MCC: variants seen among roughly 807,000 people sequenced by gnomAD.
MCC encodes MCC regulator of Wnt signaling pathway.
A neutral mutation model predicts 116.2 loss-of-function variants in MCC; 90 were observed. That is an observed-to-expected ratio of 0.77 (90% CI 0.65 to 0.92). The LOEUF (loss-of-function observed/expected upper bound fraction) is 0.92. Among genes scored for constraint, MCC ranks in the 40% least tolerant of loss-of-function variants. The pLI is 0.00. For missense variants in MCC, 1,516 were observed against 1,312.2 expected (o/e 1.16, Z -2.40); for synonymous variants, 578 against 510.5 (o/e 1.13, Z -1.78).
At chr5:113,289,977 G>A (rs916897619) in intron 3 of MCC, among the ~76,000 whole-genome samples, 1 of 152,214 alleles carries the variant, frequency 6.6e-6, no homozygotes, top group Admixed American at 6.5e-5. Context: ...AAAAAAGGGT[G>A]TGTGAATACT....
In MCC at chr5:113,270,286, C is replaced by A. The variant is rs146344778; in HGVS notation, c.627+70233G>T. 3.4e-3 allele frequency among the ~76,000 whole-genome samples: 524 copies of A among 152,164 alleles called. 4 individuals carry two copies. Among genetic ancestry groups the A allele is most frequent in the African/African-American group, 0.012 (509 of 41,528 alleles). On this transcript the variant is annotated intron_variant, in intron 3 of 18. Transcript: ENST00000408903. ...ATACGGCTGTTCATCTTTAGGTCAT[C>A]CACGCCAGGGTGTCCAAACATGGGC...
At chr5:113,345,972 A>G (rs1768123135) in intron 2 of MCC, among the ~76,000 whole-genome samples, 1 of 152,236 alleles carries the variant, frequency 6.6e-6, no homozygotes, top group African/African-American at 2.4e-5. Context: ...AGGAAACTCA[A>G]AGAAATTCAA....
chr5:113,140,749 ACAC>A (rs1388364640), intron 5 of MCC, among the ~76,000 whole-genome samples: 1 of 152,206 alleles, frequency 6.6e-6, no homozygotes, highest in Non-Finnish European at 1.5e-5. Context: ...GATTTAAGTG[ACAC>A]CAAAGTCTAC....
intron 3 of MCC, among the ~76,000 whole-genome samples, chr5:113,270,440 A>G (rs1765569490): frequency 1.3e-5 from 2 of 151,834 alleles, no homozygotes; most frequent in East Asian, 3.9e-4. Context: ...AATTCATTCA[A>G]GTTTTTAGGA....
chr5:113,479,512 T>C (rs1392725886), intron 1 of MCC, among the ~76,000 whole-genome samples: 2 of 152,200 alleles, frequency 1.3e-5, no homozygotes, highest in Non-Finnish European at 1.5e-5. Context: ...AAAAGTAATA[T>C]GGCTTCACTT....
chr5:113,141,538 A>T (rs1048595033), intron 5 of MCC, among the ~76,000 whole-genome samples: 46 of 152,288 alleles, frequency 3.0e-4, no homozygotes, highest in African/African-American at 1.1e-3. Flanking sequence ...AGGGCTGGGG[A>T]GATGCCTAAG....
chr5:113,112,319 G>A (rs1757146407), intron 6 of MCC, among the ~76,000 whole-genome samples: 2 of 152,126 alleles, frequency 1.3e-5, no homozygotes, highest in Non-Finnish European at 2.9e-5. Flanking sequence ...GGGCTTGTTG[G>A]GAGGTGACTG....
intron 3 of MCC, among the ~76,000 whole-genome samples, chr5:113,308,437 C>T (rs1581389412): frequency 1.3e-5 from 2 of 152,220 alleles, no homozygotes; most frequent in South Asian, 4.2e-4. Flanking sequence ...ATGACTACTG[C>T]CCCAAACCAG....
chr5:113,293,731 T>C (rs918734283), intron 3 of MCC, among the ~76,000 whole-genome samples: 4 of 152,112 alleles, frequency 2.6e-5, no homozygotes, highest in Admixed American at 2.6e-4. Flanking sequence ...CCTCAAAGAC[T>C]CAGGAGTCCA....
chr5:113,298,033 A>G (rs963597595), intron 3 of MCC, among the ~76,000 whole-genome samples: 1 of 152,136 alleles, frequency 6.6e-6, no homozygotes, highest in Non-Finnish European at 1.5e-5. Flanking sequence ...AATTATGGAG[A>G]TAAGTCAGGG....
Position 113,022,206 on chromosome 5 carries a change from A to T in MCC, c.*5096T>A, listed in dbSNP as rs1750186075. 6.6e-6 allele frequency: 1 copy of T among 151,528 alleles called. No individual in the cohort carries two copies. The highest frequency in any genetic ancestry group is 2.4e-5 in the African/African-American group (1 of 41,408). The allele number at this position is 151,528 out of a possible 1,614,324, so 9.4% of individuals were successfully genotyped here. A position where few individuals can be genotyped will look rare whatever the true frequency, so the allele number is the denominator to read the frequency against. ...GTTTTTAAAAAACAATTCTATATCA[A>T]ATAACGCAAAGTAGCTATTTTACAG... On this transcript the variant is annotated 3_prime_UTR_variant, in exon 19 of 19. Coordinates refer to ENST00000408903, the MANE Select transcript of MCC (RefSeq NM_001085377.2).
chr5:113,131,329 G>C (rs965503390), intron 5 of MCC, among the ~76,000 whole-genome samples: 1 of 151,948 alleles, frequency 6.6e-6, no homozygotes, highest in Non-Finnish European at 1.5e-5. Flanking sequence ...ATCTCCCCAA[G>C]TCAGGTGAAC....
chr5:113,074,092 C>A lies in MCC; in HGVS notation c.1785-2858G>T, dbSNP rs551650506. 2.0e-5 allele frequency among the ~76,000 whole-genome samples: 3 copies of A among 152,340 alleles called. No individual in the cohort carries two copies. The South Asian group carries it at 6.2e-4, about 32-fold the overall frequency. Reference sequence around the variant, plus strand: ...GGATAGACTGCCTCCTCAAGTGGGTCCCTGACCCCTGAGTAGCCTAACTGG... The same window carrying A: ...GGATAGACTGCCTCCTCAAGTGGGTACCTGACCCCTGAGTAGCCTAACTGG... On this transcript the variant is annotated intron_variant, in intron 11 of 18. Coordinates refer to ENST00000408903, the MANE Select transcript of MCC (RefSeq NM_001085377.2).
chr5:113,243,466 C>G lies in MCC; in HGVS notation c.628-92044G>C, dbSNP rs574961209. Among the ~76,000 whole-genome samples the G allele has an allele frequency of 2.2e-4, 34 of 152,294 alleles. No homozygotes were observed. In the South Asian group the frequency reaches 5.0e-3, roughly 22 times the overall value. On this transcript the variant is annotated intron_variant, in intron 3 of 18. Coordinates refer to ENST00000408903, the MANE Select transcript of MCC (RefSeq NM_001085377.2). Reference sequence around the variant, plus strand: ...CCACATTCCCTAAAAGAACAGAGAACTCTGTAGTATGAATACCACAGACCT... The same window carrying G: ...CCACATTCCCTAAAAGAACAGAGAAGTCTGTAGTATGAATACCACAGACCT...
At chr5:113,249,414 C>G (rs1293542486) in intron 3 of MCC, among the ~76,000 whole-genome samples, 3 of 152,192 alleles carry the variant, frequency 2.0e-5, no homozygotes, top group African/African-American at 7.2e-5. Context: ...TTCCTTATAT[C>G]TCTGCATTGT....
chr5:113,476,512 T>C (rs1400976674), intron 1 of MCC, among the ~76,000 whole-genome samples: 4 of 152,234 alleles, frequency 2.6e-5, no homozygotes. Flanking sequence ...AGCTGGATCC[T>C]TTCTTCACAC....
At chr5:113,376,580 C>T (rs1011927048) in intron 2 of MCC, among the ~76,000 whole-genome samples, 9 of 149,292 alleles carry the variant, frequency 6.0e-5, no homozygotes, top group African/African-American at 2.0e-4. Flanking sequence ...TTTATACACA[C>T]ACACACACAC....
intron 8 of MCC, 81 bp downstream of exon 8, chr5:113,101,658 G>T: frequency 7.9e-6 from 11 of 1,397,150 alleles, no homozygotes; most frequent in East Asian, 2.3e-5. Flanking sequence ...AAATTCTCAC[G>T]GTGCCCCTGG....
chr5:113,034,063 CTTTTT>C (rs35834150), intron 17 of MCC, among the ~76,000 whole-genome samples: 1 of 136,296 alleles, frequency 7.3e-6, no homozygotes, highest in Non-Finnish European at 1.5e-5. Context: ...ATTTTTAAAA[CTTTTT>C]TTTTTTTTTT....
Sources: gnomAD v4.1 joint callset for allele counts (sites outside exome capture counted in the v4.1 genomes callset) on GRCh38, gnomAD v4.1.1 for gene constraint, MANE v1.5 for transcripts, NCBI Gene and HGNC (gene_info 2026-07-23, HGNC 2026-07-21) for gene names.